Variants in CCNC observed in about 807,000 individuals in gnomAD.
CCNC encodes cyclin C.
CCNC carries 19 observed loss-of-function variants against 50.0 expected under a neutral mutation model. That is an observed-to-expected ratio of 0.38 (90% CI 0.27 to 0.56). The LOEUF (loss-of-function observed/expected upper bound fraction) is 0.56, where lower values mean the gene tolerates loss of function less well. Ranked by LOEUF, CCNC falls within the 20% of genes least tolerant of loss-of-function variation. The pLI is 0.72. For missense variants in CCNC, 200 were observed against 327.1 expected (o/e 0.61, Z 3.00); for synonymous variants, 93 against 103.7 (o/e 0.90, Z 0.63).
intron 2 of CCNC, 64 bp from the exon 3 acceptor site, chr6:99,561,745 C>T (rs1260319746): frequency 2.1e-6 from 2 of 973,210 alleles, no homozygotes; most frequent in African/African-American, 1.6e-5. Flanking sequence ...TAACATTGAA[C>T]AGTAACTTCC....
At chr6:99,565,647 T>C (rs1320695706) in intron 1 of CCNC, among the ~76,000 whole-genome samples, 1 of 152,052 alleles carries the variant, frequency 6.6e-6, no homozygotes, top group African/African-American at 2.4e-5. Context: ...TCACCACTGC[T>C]GATGCTTTAT....
At chr6:99,547,584 C>T (rs886620298) in intron 9 of CCNC, among the ~76,000 whole-genome samples, 3 of 152,146 alleles carry the variant, frequency 2.0e-5, no homozygotes, top group African/African-American at 7.2e-5. Flanking sequence ...GCACTACTGA[C>T]ATCTTAGGTT....
At chr6:99,547,709 T>C (rs1420236225) in intron 9 of CCNC, among the ~76,000 whole-genome samples, 3 of 152,112 alleles carry the variant, frequency 2.0e-5, no homozygotes, top group Admixed American at 6.6e-5. Flanking sequence ...AAACCAAACA[T>C]TGCCAAATGT....
At chr6:99,549,722 C>A in intron 8 of CCNC, 147 bp from the exon 9 acceptor site, 2 of 534,832 alleles carry the variant, frequency 3.7e-6, no homozygotes. Context: ...GTGAAAACAT[C>A]AAGGCAAAAG....
At chr6:99,551,079 A>AT (rs1562489301) in intron 6 of CCNC, 51 bp from the exon 7 acceptor site, 4 of 922,438 alleles carry the variant, frequency 4.3e-6, no homozygotes, top group Non-Finnish European at 5.9e-6. Context: ...ACCAAATTAG[A>AT]TAAGTCCACT....
At chr6:99,561,710 G>GT in intron 2 of CCNC, 29 bp from the exon 3 acceptor site, 1 of 1,198,916 alleles carries the variant, frequency 8.3e-7, no homozygotes, top group Non-Finnish European at 1.2e-6. Flanking sequence ...AATTTTAAAT[G>GT]TATCTTCTGG....
At chr6:99,568,182 G>A in intron 1 of CCNC, 2 of 441,616 alleles carry the variant, frequency 4.5e-6, no homozygotes, top group Non-Finnish European at 4.2e-6. Context: ...CCGTACCTGT[G>A]CCCACTCTAT....
At chr6:99,548,489 A>AG (rs1193645176) in intron 9 of CCNC, among the ~76,000 whole-genome samples, 3 of 134,016 alleles carry the variant, frequency 2.2e-5, no homozygotes, top group African/African-American at 7.4e-5. Flanking sequence ...GGAAAATAAG[A>AG]GGGGAAAATC....
intron 4 of CCNC, among the ~76,000 whole-genome samples, chr6:99,560,924 T>C (rs1802753159): frequency 6.6e-6 from 1 of 152,222 alleles, no homozygotes; most frequent in Non-Finnish European, 1.5e-5. Context: ...TCTCAGGTTA[T>C]GGTAGGCAAG....
At chr6:99,559,500 A>G (rs1226203665) in intron 4 of CCNC, among the ~76,000 whole-genome samples, 1 of 152,132 alleles carries the variant, frequency 6.6e-6, no homozygotes, top group Admixed American at 6.5e-5. Flanking sequence ...TGTAGGGGAA[A>G]TGTATGTGTA....
At chr6:99,554,272 ACTG>A (rs1802426049) in intron 5 of CCNC, among the ~76,000 whole-genome samples, 1 of 151,728 alleles carries the variant, frequency 6.6e-6, no homozygotes, top group Non-Finnish European at 1.5e-5. Flanking sequence ...GTGATTTATC[ACTG>A]TTGCTACTGA....
intron 11 of CCNC, 75 bp downstream of exon 11, chr6:99,545,034 AAAC>A (rs567654636): frequency 8.7e-5 from 61 of 700,960 alleles, no homozygotes; most frequent in Non-Finnish European, 1.4e-4. Context: ...AAAAACTACA[AAAC>A]AACATAATCT....
At chr6:99,562,750 GCAC>G in intron 2 of CCNC, 89 bp downstream of exon 2, 1 of 655,222 alleles carries the variant, frequency 1.5e-6, no homozygotes, top group South Asian at 2.0e-5. Context: ...TGTTAGGTAT[GCAC>G]TAAAACAGTT....
At chr6:99,566,973 C>G (rs1220198246) in intron 1 of CCNC, 1 of 454,578 alleles carries the variant, frequency 2.2e-6, no homozygotes, top group Non-Finnish European at 4.4e-6. Flanking sequence ...GTTACCTTTT[C>G]CAGATAAGAA....
chr6:99,545,992 G>A lies in CCNC; in HGVS notation c.678+403C>T, dbSNP rs569431235. Among the ~76,000 whole-genome samples, 20 of 150,836 alleles carry A rather than the reference G, an allele frequency of 1.3e-4. No individual in the cohort carries two copies. In the South Asian group the frequency reaches 4.0e-3, roughly 30 times the overall value. ...TACCAAACTTTTTTTTTTTTTAAAC[G>A]GAGTCTCGCTCTGTTGCCCAGGCTC... On this transcript the variant is annotated intron_variant, in intron 10 of 11. Coordinates refer to ENST00000520429, the MANE Select transcript of CCNC (RefSeq NM_005190.4).
intron 1 of CCNC, among the ~76,000 whole-genome samples, chr6:99,567,735 G>T (rs1374911795): frequency 6.6e-6 from 1 of 152,148 alleles, no homozygotes; most frequent in Admixed American, 6.5e-5. Context: ...ACCCCATAAC[G>T]CACCTTCCTG....
At chr6:99,560,574 CAT>C (rs1465656234) in intron 4 of CCNC, among the ~76,000 whole-genome samples, 1 of 152,104 alleles carries the variant, frequency 6.6e-6, no homozygotes, top group Non-Finnish European at 1.5e-5. Flanking sequence ...AAAATAGAAA[CAT>C]AATGCAAAGA....
At chr6:99,547,698 A>G (rs1802123537) in intron 9 of CCNC, among the ~76,000 whole-genome samples, 1 of 152,206 alleles carries the variant, frequency 6.6e-6, no homozygotes, top group Non-Finnish European at 1.5e-5. Flanking sequence ...TATGACAACT[A>G]AAACCAAACA....
At chr6:99,552,229 T>C (rs557029169) in intron 5 of CCNC, among the ~76,000 whole-genome samples, 3 of 152,268 alleles carry the variant, frequency 2.0e-5, no homozygotes, top group Non-Finnish European at 4.4e-5. Context: ...TTCCAGTGAC[T>C]GAGCTTAGAA....
Sources: gnomAD v4.1 joint callset for allele counts (sites outside exome capture counted in the v4.1 genomes callset) on GRCh38, gnomAD v4.1.1 for gene constraint, MANE v1.5 for transcripts, NCBI Gene and HGNC (gene_info 2026-07-23, HGNC 2026-07-21) for gene names.